Variants in SIPA1L3 observed in about 807,000 individuals in gnomAD.
The protein encoded by SIPA1L3 is signal-induced proliferation-associated 1-like protein 3.
Under a neutral mutation model 150.1 loss-of-function variants are expected in SIPA1L3, and 59 were observed. That is an observed-to-expected ratio of 0.39 (90% CI 0.32 to 0.49). The LOEUF (loss-of-function observed/expected upper bound fraction) is 0.49, where lower values mean the gene tolerates loss of function less well. SIPA1L3 is among the 20% of genes least tolerant of loss of function. The pLI, the probability that SIPA1L3 is intolerant of heterozygous loss-of-function variation, is 0.86. For missense variants in SIPA1L3, 2,211 were observed against 2,489.5 expected (o/e 0.89, Z 2.38); for synonymous variants, 1,070 against 1,077.6 (o/e 0.99, Z 0.14).
chr19:37,941,227 C>T (rs1480809067), intron 1 of SIPA1L3, among the ~76,000 whole-genome samples: 3 of 151,916 alleles, frequency 2.0e-5, no homozygotes, highest in Non-Finnish European at 2.9e-5. Context: ...TGTTAGTGGC[C>T]GTGGATGACC....
At chr19:38,142,782 G>A in intron 12 of SIPA1L3, 72 bp downstream of exon 12, 2 of 1,517,016 alleles carry the variant, frequency 1.3e-6, no homozygotes, top group South Asian at 2.5e-5. Context: ...CCCAGCAAAT[G>A]CACACCCCCA....
intron 17 of SIPA1L3, among the ~76,000 whole-genome samples, chr19:38,192,682 T>G (rs1972830706): frequency 6.6e-6 from 1 of 152,116 alleles, no homozygotes; most frequent in South Asian, 2.1e-4. Context: ...GTTCAGACTC[T>G]TGTTACTCAG....
At chr19:38,157,894 G>A (rs1267447292) in intron 13 of SIPA1L3, among the ~76,000 whole-genome samples, 7 of 152,168 alleles carry the variant, frequency 4.6e-5, no homozygotes, top group Non-Finnish European at 8.8e-5. Flanking sequence ...GGGAGAATTG[G>A]ACAATTACAG....
chr19:38,183,759 T>C (rs1248840762), intron 16 of SIPA1L3, among the ~76,000 whole-genome samples: 1 of 151,546 alleles, frequency 6.6e-6, no homozygotes, highest in Non-Finnish European at 1.5e-5. Flanking sequence ...CCCCTTGATG[T>C]TGAGCCAAAG....
intron 15 of SIPA1L3, among the ~76,000 whole-genome samples, chr19:38,166,268 A>C (rs1279297055): frequency 6.6e-6 from 1 of 151,634 alleles, no homozygotes; most frequent in Admixed American, 6.6e-5. Context: ...GTCCTGGCCA[A>C]CATGGTGAAA....
At position 38,170,529 on chromosome 19, in the gene SIPA1L3, A is replaced by G. The variant is rs191153615; in HGVS notation, c.4208+5623A>G. Among the ~76,000 whole-genome samples, 730 of 151,998 alleles carry G rather than the reference A, an allele frequency of 4.8e-3. 8 individuals are homozygous for G. The highest frequency in any genetic ancestry group is 0.025 in the Admixed American group (380 of 15,260). ...AGCACTCATTGACTGCCCTATGTCT[A>G]CCTCCACAGCACTCTGTGGCATAGA... On this transcript the variant is annotated intron_variant, in intron 15 of 21. Coordinates refer to ENST00000222345, the MANE Select transcript of SIPA1L3 (RefSeq NM_015073.3).
intron 5 of SIPA1L3, among the ~76,000 whole-genome samples, chr19:38,100,624 G>T (rs1405304644): frequency 6.6e-6 from 1 of 152,178 alleles, no homozygotes; most frequent in African/African-American, 2.4e-5. Context: ...GGGGATCCGG[G>T]ATACCTAAAG....
chr19:38,140,397 CTTT>C lies in SIPA1L3; in HGVS notation c.3144-773_3144-771del, dbSNP rs200086221. On this transcript the variant is annotated intron_variant, in intron 10 of 21. Transcript: ENST00000222345. ...TATTTCAAGGTTGTAGATTTCATGGCTTTTTTTTTTTTTTTTAACCACCCCACA... is the reference window on the plus strand; with the variant it reads ...TATTTCAAGGTTGTAGATTTCATGGCTTTTTTTTTTTTTAACCACCCCACA... Among the ~76,000 whole-genome samples the C allele has an allele frequency of 3.5e-3, 511 of 146,906 alleles. 1 individual carries two copies. The highest frequency in any genetic ancestry group is 6.7e-3 in the African/African-American group (268 of 40,054).
chr19:38,019,823 C>T (rs1968329680), intron 1 of SIPA1L3, among the ~76,000 whole-genome samples: 2 of 152,110 alleles, frequency 1.3e-5, no homozygotes, highest in Admixed American at 6.5e-5. Context: ...TGTGGTGGCT[C>T]ACACCTGTAA....
rs769490190 is a variant in SIPA1L3 at position 38,119,764 on chromosome 19, T to C, written c.2750T>C (p.Ile917Thr). Residue 917 changes from isoleucine (I) to threonine (T), a missense_variant, in exon 9 of 22, where the codon ATT becomes ACT. Around this residue, in one of 5 missense-constraint regions of SIPA1L3, gnomAD observed 625 missense variants for 804.2 expected, o/e 0.78. Transcript: ENST00000222345. ...TTCAACTGCTACTGCGGGGATGTCA[T>C]TGGCTGGACTCCAGACTCCTCCACA... ...VVFNCYCGDV[I>T]GWTPDSSTLK... 5.6e-6 allele frequency: 9 copies of C among 1,613,986 alleles called. No homozygotes were observed. The highest frequency in any genetic ancestry group is 5.5e-5 in the South Asian group (5 of 91,082).
intron 1 of SIPA1L3, among the ~76,000 whole-genome samples, chr19:37,922,989 T>G (rs62112281): frequency 6.7e-6 from 1 of 149,464 alleles, no homozygotes; most frequent in African/African-American, 2.5e-5. Flanking sequence ...AAAAAAAAAT[T>G]AGCTGGGCGT....
At chr19:37,952,279 T>C (rs563775630) in intron 1 of SIPA1L3, among the ~76,000 whole-genome samples, 2 of 152,280 alleles carry the variant, frequency 1.3e-5, no homozygotes, top group African/African-American at 2.4e-5. Context: ...TGGCCCTTTT[T>C]CCCCTCAAGT....
intron 8 of SIPA1L3, among the ~76,000 whole-genome samples, chr19:38,118,508 A>G (rs1266507819): frequency 2.0e-5 from 3 of 151,940 alleles, no homozygotes; most frequent in Non-Finnish European, 4.4e-5. Flanking sequence ...ATGTTCAGAC[A>G]TCTGCTTTAT....
intron 2 of SIPA1L3, among the ~76,000 whole-genome samples, chr19:38,040,857 T>C (rs1968902093): frequency 6.6e-6 from 1 of 152,162 alleles, no homozygotes; most frequent in South Asian, 2.1e-4. Context: ...GCCTCCTGGG[T>C]TCACGCCATT....
At chr19:38,170,707 G>A (rs977738133) in intron 15 of SIPA1L3, among the ~76,000 whole-genome samples, 1 of 152,140 alleles carries the variant, frequency 6.6e-6, no homozygotes, top group African/African-American at 2.4e-5. Flanking sequence ...AATGAATTGT[G>A]CCAGGGGACA....
intron 16 of SIPA1L3, among the ~76,000 whole-genome samples, chr19:38,183,658 A>G (rs1972611524): frequency 6.6e-6 from 1 of 152,150 alleles, no homozygotes; most frequent in Admixed American, 6.5e-5. Flanking sequence ...TGGAGGGAGA[A>G]CTTTGGGTGT....
At chr19:38,094,529 G>T (rs553199824) in intron 4 of SIPA1L3, among the ~76,000 whole-genome samples, 2 of 152,146 alleles carry the variant, frequency 1.3e-5, no homozygotes, top group African/African-American at 4.8e-5. Flanking sequence ...GAGATTACAG[G>T]CATGAGCCAC....
intron 14 of SIPA1L3, among the ~76,000 whole-genome samples, chr19:38,163,489 C>CAAA (rs34366358): frequency 0.074 from 3,769 of 51,084 alleles, 500 homozygotes; most frequent in African/African-American, 0.26. Context: ...GACTCTATCT[C>CAAA]AAAAAAAAAA....
chr19:38,078,003 C>G (rs1333953952), intron 2 of SIPA1L3, among the ~76,000 whole-genome samples: 2 of 152,108 alleles, frequency 1.3e-5, no homozygotes, highest in Non-Finnish European at 2.9e-5. Flanking sequence ...GGAAATGTTA[C>G]ATGCAACTCT....
Sources: gnomAD v4.1 joint callset for allele counts (sites outside exome capture counted in the v4.1 genomes callset) on GRCh38, gnomAD v4.1.1 for gene constraint, gnomAD v4.1.1 regional missense constraint, MANE v1.5 for transcripts, NCBI Gene and HGNC (gene_info 2026-07-23, HGNC 2026-07-21) for gene names.